The following PHF11 variants were observed in gnomAD, a reference collection of about 807,000 sequenced individuals.
PHF11 encodes PHD finger protein 11, also known as BRCA1 C-terminus-associated protein.
Under a neutral mutation model 40.5 loss-of-function variants are expected in PHF11, and 38 were observed. The ratio of observed to expected loss-of-function variants is 0.94; its 90% CI spans 0.72 to 1.23. The LOEUF is 1.23. Ranked by LOEUF, PHF11 falls within the 50% of genes most tolerant of loss-of-function variation. The pLI is 0.00. For missense variants in PHF11, 369 were observed against 392.4 expected (o/e 0.94, Z 0.50); for synonymous variants, 127 against 138.2 (o/e 0.92, Z 0.57).
chr13:49,501,006 T>TG (rs1958895061), intron 1 of PHF11, among the ~76,000 whole-genome samples: 1 of 127,418 alleles, frequency 7.8e-6, no homozygotes, highest in East Asian at 2.4e-4. Context: ...TTTTGTTTTT[T>TG]TTTTTTTTTG....
In PHF11 at chr13:49,518,058, G is replaced by T; in HGVS notation, c.365G>T (p.Cys122Phe). The change falls in exon 4 of 10, where the codon TGT (cysteine) becomes TTT (phenylalanine). Residue 122 changes from cysteine (C) to phenylalanine (F), a missense_variant. By Grantham distance (205) the Cys-to-Phe change is radical. Transcript: ENST00000378319. ...CATAAAAGAGGAGCCACCGTGGGAT[G>T]TGATTTAAAAAACTGTAACAAGAAT... ...FCHKRGATVG[C>F]DLKNCNKNYH... is the part of the protein sequence containing the mutation. 6.3e-7 allele frequency: 1 copy of T among 1,593,388 alleles called. No homozygotes were observed. Among genetic ancestry groups the T allele is most frequent in the Non-Finnish European group, 8.6e-7 (1 of 1,162,982 alleles).
chr13:49,515,889 C>T (rs8000149), intron 3 of PHF11, among the ~76,000 whole-genome samples: 104,094 of 152,002 alleles, frequency 0.68, 36,066 homozygotes, highest in East Asian at 0.87. Flanking sequence ...TCCTACGTGA[C>T]CCAGCCCTTA....
intron 1 of PHF11, among the ~76,000 whole-genome samples, chr13:49,497,740 G>A (rs2139022645): frequency 6.6e-6 from 1 of 152,298 alleles, no homozygotes; most frequent in South Asian, 2.1e-4. Flanking sequence ...CTGGCCTGCA[G>A]TTTACCCCAT....
chr13:49,524,701 C>G (rs1043749255), intron 8 of PHF11, among the ~76,000 whole-genome samples: 1 of 152,062 alleles, frequency 6.6e-6, no homozygotes, highest in Admixed American at 6.5e-5. Context: ...GTCTTGAACT[C>G]CTGACCTCAG....
intron 1 of PHF11, among the ~76,000 whole-genome samples, chr13:49,504,460 A>C (rs1344975085): frequency 6.6e-6 from 1 of 151,052 alleles, no homozygotes; most frequent in Non-Finnish European, 1.5e-5. Flanking sequence ...TGTCTAAAAA[A>C]AAAGATACTC....
At chr13:49,496,169 C>G in intron 1 of PHF11, 74 bp downstream of exon 1, 1 of 923,552 alleles carries the variant, frequency 1.1e-6, no homozygotes, top group Non-Finnish European at 1.4e-6. Context: ...GGCCTGCCTT[C>G]CGGTCGTGGC....
chr13:49,522,221 G>A, intron 6 of PHF11, 114 bp downstream of exon 6: 1 of 571,104 alleles, frequency 1.8e-6, no homozygotes, highest in Non-Finnish European at 3.2e-6. Flanking sequence ...GAGAGCCTTT[G>A]AAGAACATTC....
At chr13:49,500,153 C>T (rs779954312) in intron 1 of PHF11, among the ~76,000 whole-genome samples, 1 of 152,190 alleles carries the variant, frequency 6.6e-6, no homozygotes, top group Non-Finnish European at 1.5e-5. Flanking sequence ...ACTTTCTTGG[C>T]TCTCAGTTTC....
At chr13:49,524,843 G>A (rs1959221869) in intron 8 of PHF11, among the ~76,000 whole-genome samples, 1 of 152,058 alleles carries the variant, frequency 6.6e-6, no homozygotes, top group Non-Finnish European at 1.5e-5. Context: ...ACAGGATGTG[G>A]GTAATTTACA....
chr13:49,504,984 G>A (rs1958964937), intron 1 of PHF11, among the ~76,000 whole-genome samples: 3 of 150,786 alleles, frequency 2.0e-5, no homozygotes, highest in Admixed American at 2.0e-4. Context: ...GGCGGTGCAA[G>A]ATGTGCTTTG....
At chr13:49,511,228 C>A (rs1959077490) in intron 2 of PHF11, among the ~76,000 whole-genome samples, 1 of 151,592 alleles carries the variant, frequency 6.6e-6, no homozygotes, top group Admixed American at 6.6e-5. Context: ...GTGTTATTTC[C>A]AGTTTGGAGC....
intron 1 of PHF11, chr13:49,497,208 G>A: frequency 7.8e-7 from 1 of 1,288,670 alleles, no homozygotes; most frequent in East Asian, 5.5e-5. Flanking sequence ...GTATACATAT[G>A]GACTGTAAGG....
chr13:49,520,236 G>A (rs6561532), intron 4 of PHF11, among the ~76,000 whole-genome samples: 106,352 of 151,828 alleles, frequency 0.7, 37,788 homozygotes, highest in East Asian at 0.87. Flanking sequence ...TTTAGTAGAG[G>A]CGGGGTTTCA....
Position 49,496,111 on chromosome 13 carries a change from GC to G in PHF11, c.94+17del. On this transcript the variant is annotated intron_variant, in intron 1 of 9. Coordinates refer to ENST00000378319, the MANE Select transcript of PHF11 (RefSeq NM_001040443.3). ...CTTCCCACCGGTGTGTACCGCGGGG[GC>G]GGGCGGGCGGGCGGGCGGGGCTGGG... 1.6e-3 allele frequency: 243 copies of G among 149,100 alleles called. No homozygotes were observed. The highest frequency in any genetic ancestry group is 2.3e-3 in the East Asian group (2 of 852). The allele number at this position is 149,100 out of a possible 1,614,324, so 9.2% of individuals were successfully genotyped here.
intron 1 of PHF11, among the ~76,000 whole-genome samples, chr13:49,498,055 A>G (rs934281393): frequency 3.9e-5 from 6 of 152,186 alleles, no homozygotes; most frequent in Non-Finnish European, 8.8e-5. Context: ...CACTACCTGG[A>G]AAACAAAACA....
intron 1 of PHF11, among the ~76,000 whole-genome samples, chr13:49,502,779 G>A (rs74546947): frequency 0.027 from 4,071 of 152,302 alleles, 173 homozygotes; most frequent in African/African-American, 0.091. Flanking sequence ...CCACAGTGCA[G>A]TGGCACATTC....
chr13:49,509,340 G>A (rs1959052893), intron 2 of PHF11, among the ~76,000 whole-genome samples: 1 of 151,812 alleles, frequency 6.6e-6, no homozygotes, highest in South Asian at 2.1e-4. Flanking sequence ...AGCCTCCCAA[G>A]TAGCTGGGAT....
chr13:49,510,265 A>G (rs1443527063), intron 2 of PHF11, among the ~76,000 whole-genome samples: 1 of 152,080 alleles, frequency 6.6e-6, no homozygotes, highest in Non-Finnish European at 1.5e-5. Flanking sequence ...GGCTCAAGCA[A>G]TCCTCCCACC....
intron 2 of PHF11, among the ~76,000 whole-genome samples, chr13:49,508,195 A>G (rs1400671114): frequency 2.7e-5 from 4 of 147,704 alleles, no homozygotes; most frequent in Non-Finnish European, 6.0e-5. Flanking sequence ...AGTATGTATT[A>G]ATATATTATT....
Sources: gnomAD v4.1 joint callset for allele counts (sites outside exome capture counted in the v4.1 genomes callset) on GRCh38, gnomAD v4.1.1 for gene constraint, MANE v1.5 for transcripts, NCBI Gene and HGNC (gene_info 2026-07-23, HGNC 2026-07-21) for gene names.